Variants in NPEPPS observed in about 807,000 individuals in gnomAD.
NPEPPS encodes aminopeptidase puromycin sensitive.
Under a neutral mutation model 115.5 loss-of-function variants are expected in NPEPPS, and 14 were observed. That is an observed-to-expected ratio of 0.12 (90% CI 0.08 to 0.19). The LOEUF (loss-of-function observed/expected upper bound fraction) is 0.19. Ranked by LOEUF, NPEPPS falls within the 10% of genes least tolerant of loss-of-function variation. The pLI is 1.00. For synonymous variants in NPEPPS, 285 were observed against 390.6 expected (o/e 0.73, Z 3.19); for missense variants, 523 against 1,110.8 (o/e 0.47, Z 7.52).
intron 15 of NPEPPS, among the ~76,000 whole-genome samples, chr17:47,602,173 G>A (rs891300353): frequency 1.3e-5 from 2 of 152,004 alleles, no homozygotes; most frequent in African/African-American, 4.8e-5. Context: ...TCCTTAGTTG[G>A]TATTTCAAAA....
intron 13 of NPEPPS, 144 bp from the exon 14 acceptor site, chr17:47,599,532 A>G (rs777817908): frequency 3.0e-5 from 19 of 642,264 alleles, no homozygotes; most frequent in Non-Finnish European, 4.6e-5. Flanking sequence ...CTTCATCACA[A>G]TTGCATTTTG....
intron 2 of NPEPPS, among the ~76,000 whole-genome samples, chr17:47,555,836 G>T (rs1243232080): frequency 6.6e-6 from 1 of 151,882 alleles, no homozygotes; most frequent in East Asian, 1.9e-4. Flanking sequence ...AAGGGCCAAG[G>T]GAATTATTAT....
intron 3 of NPEPPS, among the ~76,000 whole-genome samples, chr17:47,573,337 A>G (rs1911313232): frequency 6.6e-6 from 1 of 152,212 alleles, no homozygotes; most frequent in Non-Finnish European, 1.5e-5. Flanking sequence ...ACCATTAGGA[A>G]CAGTGGAAAC....
rs550121585 is a variant in NPEPPS, at chr17:47,623,070, C to G, written c.*1150C>G. 3.5e-6 allele frequency: 1 copy of G among 287,038 alleles called. No individual in the cohort carries two copies. The highest frequency in any genetic ancestry group is 2.9e-5 in the South Asian group (1 of 34,572). 17.8% of individuals were successfully genotyped at this position (287,038 alleles called of 1,614,324 possible). A position where few individuals can be genotyped will look rare whatever the true frequency, so the allele number is the denominator to read the frequency against. On this transcript the variant is annotated 3_prime_UTR_variant, in exon 23 of 23. Transcript: ENST00000322157. ...ATGAGTTTTAAATCTAAATCTCATTCCCTTCTTCTTTCCCTACCTTTTTTT... is the reference window on the plus strand; with the variant it reads ...ATGAGTTTTAAATCTAAATCTCATTGCCTTCTTCTTTCCCTACCTTTTTTT...
chr17:47,534,000 A>G (rs1393960938), intron 1 of NPEPPS, among the ~76,000 whole-genome samples: 1 of 152,228 alleles, frequency 6.6e-6, no homozygotes, highest in African/African-American at 2.4e-5. Context: ...AGTAAAAAGC[A>G]TATATTAATG....
rs1294867980 is a variant in NPEPPS, at chr17:47,551,966, C to CTT, written c.340+5986_340+5987dup. On this transcript the variant is annotated intron_variant, in intron 2 of 22. Coordinates refer to ENST00000322157, the MANE Select transcript of NPEPPS (RefSeq NM_006310.4). ...TGATCTTGTTTGTTGGGATTTCTTT[C>CTT]TTTTTTTTTTTTTTCTTTTTTTTTT... 7.8e-3 allele frequency among the ~76,000 whole-genome samples: 783 copies of CTT among 100,706 alleles called. 96 individuals are homozygous for CTT. The highest frequency in any genetic ancestry group is 0.049 in the East Asian group (148 of 2,992). 66.1% of individuals were successfully genotyped at this position (100,706 alleles called of 152,430 possible). A position where few individuals can be genotyped will look rare whatever the true frequency, so the allele number is the denominator to read the frequency against.
chr17:47,618,892 TA>T, intron 20 of NPEPPS, 116 bp from the exon 21 acceptor site: 1 of 947,102 alleles, frequency 1.1e-6, no homozygotes, highest in Non-Finnish European at 1.6e-6. Context: ...CAGTTATTCC[TA>T]AAACAAGGAA....
intron 1 of NPEPPS, among the ~76,000 whole-genome samples, chr17:47,538,278 G>A (rs1385968077): frequency 1.5e-5 from 2 of 130,928 alleles, no homozygotes; most frequent in African/African-American, 2.9e-5. Flanking sequence ...GCAGTGGTGC[G>A]ATCTCGGCTC....
chr17:47,597,536 T>C (rs1912954502), intron 13 of NPEPPS, among the ~76,000 whole-genome samples: 1 of 152,192 alleles, frequency 6.6e-6, no homozygotes, highest in Non-Finnish European at 1.5e-5. Context: ...ATTACTTTTA[T>C]ATTTTAAAAA....
intron 17 of NPEPPS, among the ~76,000 whole-genome samples, chr17:47,606,784 C>A (rs942273735): frequency 1.3e-4 from 7 of 53,318 alleles, no homozygotes; most frequent in Non-Finnish European, 2.1e-4. Flanking sequence ...ATATACTATT[C>A]TAAGAGCTGG....
chr17:47,585,883 TTAAG>T (rs1912147047), intron 6 of NPEPPS, 183 bp downstream of exon 6: 1 of 625,592 alleles, frequency 1.6e-6, no homozygotes, highest in Non-Finnish European at 2.8e-6. Flanking sequence ...AAAATAATAA[TTAAG>T]AGAATATAAG....
chr17:47,529,313 A>G (rs1023188777), upstream of NPEPPS, among the ~76,000 whole-genome samples: 2 of 151,772 alleles, frequency 1.3e-5, no homozygotes, highest in African/African-American at 4.8e-5. Context: ...AGCTCACTGC[A>G]GCCTCCATCC....
chr17:47,586,830 G>T, intron 8 of NPEPPS: 1 of 461,970 alleles, frequency 2.2e-6, no homozygotes, highest in South Asian at 1.6e-5. Context: ...TGCCTTTTTA[G>T]ATGAGCTAAG....
At chr17:47,531,712 TTGGGGCTGGGGCTGGGGC>T (rs1297359032) in intron 1 of NPEPPS, among the ~76,000 whole-genome samples, 157 bp downstream of exon 1, 2 of 147,716 alleles carry the variant, frequency 1.4e-5, no homozygotes, top group African/African-American at 2.5e-5. Context: ...CCTTGCTCTG[TTGGGGCTGGGGCTGGGGC>T]TGGGGCTGGG....
chr17:47,575,666 G>A (rs765978030), intron 3 of NPEPPS, among the ~76,000 whole-genome samples: 21 of 150,892 alleles, frequency 1.4e-4, no homozygotes, highest in South Asian at 2.1e-4. Context: ...GTGCAGTGGC[G>A]CGATCTCAGC....
At chr17:47,618,561 A>C in intron 20 of NPEPPS, 104 bp downstream of exon 20, 1 of 728,100 alleles carries the variant, frequency 1.4e-6, no homozygotes, top group Non-Finnish European at 2.3e-6. Context: ...ACCCTAACTA[A>C]AGCTTCCTTT....
chr17:47,596,160 A>G (rs1320678221), intron 12 of NPEPPS, 193 bp from the exon 13 acceptor site: 1 of 456,582 alleles, frequency 2.2e-6, no homozygotes, highest in Non-Finnish European at 4.0e-6. Context: ...CTCAAAAAAT[A>G]CCAGTTTTTA....
At chr17:47,546,984 T>C (rs971962275) in intron 2 of NPEPPS, among the ~76,000 whole-genome samples, 6 of 152,238 alleles carry the variant, frequency 3.9e-5, no homozygotes, top group African/African-American at 1.4e-4. Context: ...GAAAGGCTCC[T>C]CAAAGAGGCT....
At chr17:47,594,693 C>G (rs868111649) in intron 12 of NPEPPS, among the ~76,000 whole-genome samples, 1 of 136,916 alleles carries the variant, frequency 7.3e-6, no homozygotes, top group East Asian at 2.2e-4. Flanking sequence ...AGTGCAGTGG[C>G]GCGATCTCGG....
Sources: allele counts gnomAD v4.1 joint callset (sites outside exome capture counted in the v4.1 genomes callset), GRCh38; gene constraint gnomAD v4.1.1; transcripts MANE v1.5; gene names NCBI Gene and HGNC (gene_info 2026-07-23, HGNC 2026-07-21).